CYFIP2: variants seen among roughly 807,000 people sequenced by gnomAD.
CYFIP2 encodes the protein cytoplasmic FMR1-interacting protein 2.
In CYFIP2, 29 loss-of-function variants were observed where a neutral mutation model predicts 158.7. The observed-to-expected ratio is 0.18, with a 90% CI of 0.14 to 0.25. The LOEUF is 0.25. Ranked by LOEUF, CYFIP2 falls within the 10% of genes least tolerant of loss-of-function variation. CYFIP2 has a pLI of 1.00. For synonymous variants in CYFIP2, 585 were observed against 617.6 expected (o/e 0.95, Z 0.78); for missense variants, 852 against 1,639.5 (o/e 0.52, Z 8.29).
At chr5:157,343,567 A>C in intron 23 of CYFIP2, 1 of 1,506,942 alleles carries the variant, frequency 6.6e-7, no homozygotes, top group Non-Finnish European at 9.0e-7. Flanking sequence ...CAAAGTGAAG[A>C]GTGACATCCC....
chr5:157,378,877 C>G (rs1581184874), intron 26 of CYFIP2, among the ~76,000 whole-genome samples: 1 of 152,198 alleles, frequency 6.6e-6, no homozygotes, highest in East Asian at 1.9e-4. Context: ...ACCATTTAAT[C>G]CAGCCTCTTC....
intron 14 of CYFIP2, 58 bp downstream of exon 14, chr5:157,319,986 A>G (rs1760461756): frequency 6.3e-7 from 1 of 1,581,586 alleles, no homozygotes; most frequent in African/African-American, 1.3e-5. Flanking sequence ...GGTACCCATC[A>G]GAGAGGATGT....
intron 5 of CYFIP2, among the ~76,000 whole-genome samples, chr5:157,298,156 G>T (rs1581001554): frequency 6.6e-6 from 1 of 151,812 alleles, no homozygotes; most frequent in Non-Finnish European, 1.5e-5. Context: ...GCTCTTTCTG[G>T]GTTACTTCAG....
At chr5:157,338,656 G>T (rs1410954566) in intron 21 of CYFIP2, among the ~76,000 whole-genome samples, 1 of 152,168 alleles carries the variant, frequency 6.6e-6, no homozygotes, top group Non-Finnish European at 1.5e-5. Flanking sequence ...AACGTCATAG[G>T]GTTCAACCTA....
chr5:157,348,235 C>T (rs2113293460), intron 23 of CYFIP2, among the ~76,000 whole-genome samples: 1 of 152,378 alleles, frequency 6.6e-6, no homozygotes, highest in East Asian at 1.9e-4. Context: ...AGTCCCAAAG[C>T]TGGATTGGCA....
intron 26 of CYFIP2, chr5:157,363,007 GTGT>G (rs1422307879): frequency 6.6e-6 from 1 of 152,274 alleles, no homozygotes; most frequent in Non-Finnish European, 1.5e-5. Flanking sequence ...ACCATTGGTA[GTGT>G]TGTCATATTG....
chr5:157,308,467 C>A (rs906576011), intron 9 of CYFIP2, among the ~76,000 whole-genome samples: 47 of 152,130 alleles, frequency 3.1e-4, no homozygotes, highest in African/African-American at 1.1e-3. Flanking sequence ...TTAAACTAAG[C>A]CTCTTAGAAT....
At chr5:157,366,612 C>A (rs995802544) in intron 26 of CYFIP2, among the ~76,000 whole-genome samples, 3 of 152,202 alleles carry the variant, frequency 2.0e-5, no homozygotes, top group Non-Finnish European at 2.9e-5. Flanking sequence ...CTTCTTCCTG[C>A]AATCTGTAGT....
chr5:157,379,668 C>CAAAAAAAAAAAAA (rs70984468), intron 26 of CYFIP2, among the ~76,000 whole-genome samples: 26 of 73,638 alleles, frequency 3.5e-4, no homozygotes, highest in African/African-American at 1.3e-3. Context: ...GACCCTGTCT[C>CAAAAAAAAAAAAA]AAAAAAAAAA....
Position 157,287,121 on chromosome 5 carries a change from G to T in CYFIP2, c.207+13G>T, listed in dbSNP as rs1443646803. 1.2e-6 allele frequency: 2 copies of T among 1,610,928 alleles called. No homozygotes were observed. Among genetic ancestry groups the T allele is most frequent in the South Asian group, 2.2e-5 (2 of 90,928 alleles). On this transcript the variant is annotated intron_variant, in intron 3 of 30. Transcript: ENST00000620254. ...CCACTCCAGCATGGTAAGTCTCTGT[G>T]ACCCACGTGTGCAGACATGCTCCCT...
chr5:157,317,551 C>T (rs891942390), intron 13 of CYFIP2, among the ~76,000 whole-genome samples: 1 of 152,154 alleles, frequency 6.6e-6, no homozygotes, highest in African/African-American at 2.4e-5. Flanking sequence ...CCCATCCCTG[C>T]AACACACCTG....
chr5:157,307,659 G>GTGTGTGTA (rs758691785), intron 8 of CYFIP2, 102 bp from the exon 9 acceptor site: 2,787 of 419,904 alleles, frequency 6.6e-3, no homozygotes, highest in East Asian at 0.011. Context: ...GTGTGTGTAT[G>GTGTGTGTA]TGTGTGTGTG....
chr5:157,316,154 G>C (rs1760126612), intron 13 of CYFIP2, among the ~76,000 whole-genome samples: 1 of 152,076 alleles, frequency 6.6e-6, no homozygotes, highest in African/African-American at 2.4e-5. Flanking sequence ...TCAGCATATT[G>C]TTAAGTTAAA....
At chr5:157,319,954 C>T in intron 14 of CYFIP2, 26 bp downstream of exon 14, 4 of 1,610,090 alleles carry the variant, frequency 2.5e-6, no homozygotes, top group Non-Finnish European at 3.4e-6. Context: ...CCTTCAGGAG[C>T]ATATCAGACA....
chr5:157,296,479 A>G (rs879363932), intron 4 of CYFIP2, 194 bp from the exon 5 acceptor site: 2 of 584,548 alleles, frequency 3.4e-6, no homozygotes, highest in Non-Finnish European at 6.5e-6. Flanking sequence ...CTGAAGTCCC[A>G]CCTACTTGGC....
rs1763853691 is a variant in CYFIP2, at chr5:157,361,824, A to G, written c.3039+226A>G. On this transcript the variant is annotated intron_variant, in intron 26 of 30. Coordinates refer to ENST00000620254, the MANE Select transcript of CYFIP2 (RefSeq NM_001037333.3). The surrounding 1 kb of genome is among the most constrained non-coding windows in gnomAD (Gnocchi z 4.4). ...TGCCATTCCCTCATGTTATGGAACC[A>G]AACTGGGGTCCACCTGCCTGGCACA... is the stretch of plus-strand genomic sequence containing the variant. 6.6e-6 allele frequency among the ~76,000 whole-genome samples: 1 copy of G among 152,190 alleles called. No homozygotes were observed. The highest frequency in any genetic ancestry group is 2.4e-5 in the African/African-American group (1 of 41,440).
intron 15 of CYFIP2, chr5:157,322,870 T>C (rs1168046213): frequency 2.9e-6 from 4 of 1,366,986 alleles, no homozygotes; most frequent in South Asian, 1.3e-5. Flanking sequence ...CTCTCTCTCT[T>C]TCTCTCTCTC....
At chr5:157,343,131 A>G (rs1762411238) in intron 23 of CYFIP2, 1 of 1,614,086 alleles carries the variant, frequency 6.2e-7, no homozygotes, top group African/African-American at 1.3e-5. Flanking sequence ...CGGACACACC[A>G]GAACTGGAGG....
chr5:157,313,565 T>C (rs1467017785), intron 11 of CYFIP2, among the ~76,000 whole-genome samples: 4 of 152,218 alleles, frequency 2.6e-5, no homozygotes, highest in African/African-American at 9.7e-5. Flanking sequence ...AGTCACTTTG[T>C]CCGACTTCAG....
Sources: gnomAD v4.1 joint callset for allele counts (sites outside exome capture counted in the v4.1 genomes callset) on GRCh38, gnomAD v4.1.1 for gene constraint, Gnocchi (gnomAD v3.1) non-coding constraint, MANE v1.5 for transcripts, NCBI Gene and HGNC (gene_info 2026-07-23, HGNC 2026-07-21) for gene names.